PTPN22: variants seen among roughly 807,000 people sequenced by gnomAD.
The protein encoded by PTPN22 is protein tyrosine phosphatase non-receptor type 22.
In PTPN22, 85 loss-of-function variants were observed where a neutral mutation model predicts 103.3. The ratio of observed to expected loss-of-function variants is 0.82; its 90% CI spans 0.69 to 0.99. The LOEUF (loss-of-function observed/expected upper bound fraction) is 0.99, where lower values mean the gene tolerates loss of function less well. PTPN22 is among the 50% of genes least tolerant of loss of function. PTPN22 has a pLI of 0.00. For synonymous variants in PTPN22, 323 were observed against 310.2 expected (o/e 1.04, Z -0.43); for missense variants, 865 against 936.9 (o/e 0.92, Z 1.00).
At chr1:113,844,234 A>G (rs1663854378) in intron 11 of PTPN22, among the ~76,000 whole-genome samples, 1 of 152,102 alleles carries the variant, frequency 6.6e-6, no homozygotes, top group Admixed American at 6.5e-5. Flanking sequence ...GGCCGAGGCA[A>G]GCAGATAGTC....
chr1:113,824,170 TG>T lies in PTPN22; in HGVS notation c.2281+971del, dbSNP rs1465877560. Among the ~76,000 whole-genome samples, 5 of 152,098 alleles carry T rather than the reference TG, an allele frequency of 3.3e-5. No individual in the cohort carries two copies. The East Asian group carries it at 9.6e-4, about 29-fold the overall frequency. On this transcript the variant is annotated intron_variant, in intron 19 of 20. Transcript: ENST00000359785. ...AGACTGGAGTGCAGTGGCGCAATCT[TG>T]GCTCACCGCAACCTCCGCATCCCGA...
At chr1:113,864,838 G>A (rs536496967) in intron 1 of PTPN22, among the ~76,000 whole-genome samples, 2 of 152,234 alleles carry the variant, frequency 1.3e-5, no homozygotes, top group African/African-American at 4.8e-5. Context: ...CTTGAACCCA[G>A]GAGGCAGAGG....
At chr1:113,860,042 G>GCCTCAA (rs1237086609) in intron 1 of PTPN22, among the ~76,000 whole-genome samples, 13 of 147,570 alleles carry the variant, frequency 8.8e-5, no homozygotes, top group Non-Finnish European at 1.9e-4. Flanking sequence ...GCTCAATGCA[G>GCCTCAA]CCTCAACTTT....
intron 11 of PTPN22, among the ~76,000 whole-genome samples, chr1:113,842,218 G>C (rs1212160984): frequency 6.6e-6 from 1 of 151,720 alleles, no homozygotes; most frequent in African/African-American, 2.4e-5. Context: ...TAAAAAAAAA[G>C]TAGGGGTGGG....
rs545767683 is a variant in PTPN22, at chr1:113,859,196, A to G, written c.197-118T>C. The G allele has an allele frequency of 1.4e-4, 216 of 1,548,900 alleles. No homozygotes were observed. The African/African-American group carries it at 2.7e-3, about 19-fold the overall frequency. ...AGTGAACAAGTGAGTGAATGAATGAATGAATGAATGAATATTCTTTTGCAG... is the reference window on the plus strand; with the variant it reads ...AGTGAACAAGTGAGTGAATGAATGAGTGAATGAATGAATATTCTTTTGCAG... On this transcript the variant is annotated intron_variant, in intron 2 of 20. Transcript: ENST00000359785.
intron 1 of PTPN22, among the ~76,000 whole-genome samples, chr1:113,867,206 GTGTA>G (rs1233288618): frequency 6.6e-6 from 1 of 152,170 alleles, no homozygotes; most frequent in Admixed American, 6.5e-5. Flanking sequence ...TGTTTCTGCT[GTGTA>G]GAAACTATAC....
chr1:113,835,031 T>A (rs1662863244), intron 13 of PTPN22, 38 bp from the exon 14 acceptor site: 3 of 1,275,462 alleles, frequency 2.4e-6, no homozygotes, highest in Non-Finnish European at 3.3e-6. Context: ...CAATTGTTAA[T>A]TAGAACAATC....
chr1:113,829,919 AT>A, intron 17 of PTPN22, 29 bp downstream of exon 17: 5 of 1,537,866 alleles, frequency 3.3e-6, no homozygotes, highest in South Asian at 1.1e-5. Flanking sequence ...CATTTTTATG[AT>A]TTTTTTGAGA....
chr1:113,860,440 C>T (rs979466311), intron 1 of PTPN22, among the ~76,000 whole-genome samples: 3 of 152,064 alleles, frequency 2.0e-5, no homozygotes, highest in Non-Finnish European at 2.9e-5. Context: ...ACACATCCTC[C>T]GTATATAAAG....
At chr1:113,838,922 T>A (rs1013131885) in intron 11 of PTPN22, among the ~76,000 whole-genome samples, 2 of 152,204 alleles carry the variant, frequency 1.3e-5, no homozygotes, top group Non-Finnish European at 2.9e-5. Context: ...TCAAAAACAC[T>A]CTGCCTTTAG....
In PTPN22 at chr1:113,864,118, GACAA is replaced by G. The variant is rs541666001; in HGVS notation, c.88-4662_88-4659del. 6.1e-4 allele frequency: 223 copies of G among 362,764 alleles called. 2 individuals carry two copies. Among genetic ancestry groups the G allele is most frequent in the African/African-American group, 4.2e-4 (19 of 45,156 alleles). 22.5% of individuals were successfully genotyped at this position (362,764 alleles called of 1,614,324 possible). ...AAGAGCAAAACTCCATCTCAAAACA[GACAA>G]ACAAACAAACAAACAAAAAACTGAA... On this transcript the variant is annotated intron_variant, in intron 1 of 20. Transcript: ENST00000359785.
intron 18 of PTPN22, among the ~76,000 whole-genome samples, chr1:113,826,139 G>C (rs1448282593): frequency 6.6e-6 from 1 of 152,032 alleles, no homozygotes; most frequent in African/African-American, 2.4e-5. Context: ...TGAGGCCAGG[G>C]AGTTCAAGAC....
rs374067924 is a variant in PTPN22, at chr1:113,848,690, C to A, written c.829-64G>T. 109 of 1,478,554 alleles carry A rather than the reference C, an allele frequency of 7.4e-5. No individual in the cohort carries two copies. The East Asian group carries it at 1.6e-3, about 22-fold the overall frequency. The allele number at this position is 1,478,554 out of a possible 1,614,324, so 91.6% of individuals were successfully genotyped here. A position where few individuals can be genotyped will look rare whatever the true frequency, so the allele number is the denominator to read the frequency against. On this transcript the variant is annotated intron_variant, in intron 10 of 20. Transcript: ENST00000359785. ...ACAAAAAAATTGGTGAACGACAGGACCAGATTTTAGGAATATGAACACCAA... is the reference window on the plus strand; with the variant it reads ...ACAAAAAAATTGGTGAACGACAGGAACAGATTTTAGGAATATGAACACCAA...
intron 1 of PTPN22, among the ~76,000 whole-genome samples, chr1:113,865,345 C>T (rs1297058034): frequency 1.3e-5 from 2 of 151,992 alleles, no homozygotes; most frequent in Non-Finnish European, 2.9e-5. Context: ...TTACCTGATA[C>T]AGTTTAAGTA....
rs867360744 is a variant in PTPN22 at position 113,819,495 on chromosome 1, C to T, written c.2359+82G>A. 2.7e-5 allele frequency: 28 copies of T among 1,029,310 alleles called. No homozygotes were observed. In the Middle Eastern group the frequency reaches 1.1e-3, roughly 39 times the overall value. 63.8% of individuals were successfully genotyped at this position (1,029,310 alleles called of 1,614,324 possible). A position where few individuals can be genotyped will look rare whatever the true frequency, so the allele number is the denominator to read the frequency against. On this transcript the variant is annotated intron_variant, in intron 20 of 20. Transcript: ENST00000359785. ...AGGACCTATACATGCAACCTAAAATCATATTTAAAGTTGAATCAGTTATAC... is the reference window on the plus strand; with the variant it reads ...AGGACCTATACATGCAACCTAAAATTATATTTAAAGTTGAATCAGTTATAC...
At chr1:113,860,841 T>C (rs1358322865) in intron 1 of PTPN22, among the ~76,000 whole-genome samples, 1 of 152,262 alleles carries the variant, frequency 6.6e-6, no homozygotes, top group Admixed American at 6.5e-5. Context: ...ACTGTTTTTA[T>C]TTATTTTTGT....
chr1:113,829,906 T>C (rs3761935), intron 17 of PTPN22, 43 bp downstream of exon 17: 4 of 1,501,478 alleles, frequency 2.7e-6, no homozygotes, highest in Non-Finnish European at 9.3e-7. Flanking sequence ...CTTTTAACAT[T>C]TTCATTTTTA....
At chr1:113,835,073 A>G in intron 13 of PTPN22, 80 bp from the exon 14 acceptor site, 1 of 716,860 alleles carries the variant, frequency 1.4e-6, no homozygotes, top group Non-Finnish European at 2.0e-6. Context: ...AATATTAAAT[A>G]TAAATTTACC....
chr1:113,850,896 A>G (rs1475118799), intron 10 of PTPN22, among the ~76,000 whole-genome samples: 1 of 152,252 alleles, frequency 6.6e-6, no homozygotes, highest in East Asian at 1.9e-4. Context: ...AAATTACACA[A>G]AAGTGCCTGT....
Sources: gnomAD v4.1 joint callset for allele counts (sites outside exome capture counted in the v4.1 genomes callset) on GRCh38, gnomAD v4.1.1 for gene constraint, MANE v1.5 for transcripts, NCBI Gene and HGNC (gene_info 2026-07-23, HGNC 2026-07-21) for gene names.